IMMT: variants seen among roughly 807,000 people sequenced by gnomAD.
IMMT encodes MICOS complex subunit MIC60.
Under a neutral mutation model 92.7 loss-of-function variants are expected in IMMT, and 40 were observed. The ratio of observed to expected loss-of-function variants is 0.43; its 90% CI spans 0.34 to 0.56. IMMT has a LOEUF of 0.56. IMMT is among the 20% of genes least tolerant of loss of function. The pLI is 0.03. For missense variants in IMMT, 831 were observed against 912.1 expected, an observed-to-expected ratio of 0.91 and a Z score of 1.14; for synonymous variants, 322 against 336.1, an observed-to-expected ratio of 0.96 and a Z score of 0.46.
chr2:86,166,483 A>G, intron 7 of IMMT, 25 bp downstream of exon 7: 1 of 1,584,172 alleles, frequency 6.3e-7, no homozygotes. Flanking sequence ...CAGCCAGAAC[A>G]CTTCTAATCA....
chr2:86,173,645 A>C lies in IMMT; in HGVS notation c.421+5T>G. ...TTTTAAAAAGATGGTTCAAAATATAAGTACCTGTTGCTGAAGCTGGAGTAT... is the reference window on the plus strand; with the variant it reads ...TTTTAAAAAGATGGTTCAAAATATACGTACCTGTTGCTGAAGCTGGAGTAT... On this transcript the variant is annotated splice_donor_5th_base_variant and intron_variant, in intron 4 of 14. Coordinates refer to ENST00000410111, the MANE Select transcript of IMMT (RefSeq NM_006839.3). 6.8e-7 allele frequency: 1 copy of C among 1,468,672 alleles called. No individual in the cohort carries two copies. The highest frequency in any genetic ancestry group is 9.5e-7 in the Non-Finnish European group (1 of 1,051,244). The allele number at this position is 1,468,672 out of a possible 1,614,324, so 91.0% of individuals were successfully genotyped here. A position where few individuals can be genotyped will look rare whatever the true frequency, so the allele number is the denominator to read the frequency against.
intron 1 of IMMT, among the ~76,000 whole-genome samples, chr2:86,193,789 C>T (rs995480812): frequency 3.9e-5 from 6 of 152,132 alleles, no homozygotes; most frequent in Non-Finnish European, 5.9e-5. Flanking sequence ...GAAGCTTAGA[C>T]ATCTTGATTC....
chr2:86,162,947 A>C lies in IMMT; in HGVS notation c.793-868T>G, dbSNP rs146757316. On this transcript the variant is annotated intron_variant, in intron 7 of 14. Coordinates refer to ENST00000410111, the MANE Select transcript of IMMT (RefSeq NM_006839.3). ...AGCAGAGCTGGCTCATATTTAGGGG[A>C]TATATAATATTAGGAAGAAAACCCT... Among the ~76,000 whole-genome samples the C allele has an allele frequency of 3.0e-4, 45 of 152,148 alleles. No individual in the cohort carries two copies. In the East Asian group the frequency reaches 7.5e-3, roughly 25 times the overall value.
rs1185483080 is a variant in IMMT, at chr2:86,144,049, CAG to C, written c.*217_*218del. ...GCCTCATCAGTAAAACCTGAAAAAA[CAG>C]AAAATGTTACACAAGTTGCAAAGAA... On this transcript the variant is annotated 3_prime_UTR_variant, in exon 15 of 15. Transcript: ENST00000410111. 7 of 600,356 alleles carry C rather than the reference CAG, an allele frequency of 1.2e-5. No homozygotes were observed. Among genetic ancestry groups the C allele is most frequent in the African/African-American group, 1.9e-5 (1 of 53,754 alleles). The allele number at this position is 600,356 out of a possible 1,614,324, so 37.2% of individuals were successfully genotyped here.
intron 6 of IMMT, among the ~76,000 whole-genome samples, chr2:86,167,364 G>A (rs1456082889): frequency 7.4e-5 from 11 of 149,118 alleles, no homozygotes; most frequent in East Asian, 2.1e-4. Context: ...TAGTAGAGAC[G>A]GGGTTTCACC....
At chr2:86,161,700 G>C (rs1306904805) in intron 8 of IMMT, among the ~76,000 whole-genome samples, 1 of 151,696 alleles carries the variant, frequency 6.6e-6, no homozygotes. Flanking sequence ...ATTTTTAATA[G>C]AGACGGGGTT....
chr2:86,158,739 G>T lies in IMMT; in HGVS notation c.1033-18C>A, dbSNP rs750215458. On this transcript the variant is annotated intron_variant, in intron 9 of 14. Coordinates refer to ENST00000410111, the MANE Select transcript of IMMT (RefSeq NM_006839.3). ...GCTTGGACCTGAGCAAATACACAGGGTATGTGATTAAATTGAACAAAAAAT... is the reference window on the plus strand; with the variant it reads ...GCTTGGACCTGAGCAAATACACAGGTTATGTGATTAAATTGAACAAAAAAT... 4 of 1,574,324 alleles carry T rather than the reference G, an allele frequency of 2.5e-6. No individual in the cohort carries two copies. The South Asian group carries it at 4.6e-5, about 18-fold the overall frequency.
intron 11 of IMMT, among the ~76,000 whole-genome samples, chr2:86,152,668 C>T (rs1432747783): frequency 6.6e-6 from 1 of 151,328 alleles, no homozygotes; most frequent in Non-Finnish European, 1.5e-5. Context: ...GGCTGAGGCA[C>T]GAGAATTGCC....
chr2:86,191,431 G>A lies in IMMT; in HGVS notation c.45+3907C>T, dbSNP rs531215788. Reference sequence around the variant, plus strand: ...GCTCAAAAACAACAAAAAGCAAGAGGCAATTCTCTAGCAGACTGCCTCCAG... The same window carrying A: ...GCTCAAAAACAACAAAAAGCAAGAGACAATTCTCTAGCAGACTGCCTCCAG... On this transcript the variant is annotated intron_variant, in intron 1 of 14. Coordinates refer to ENST00000410111, the MANE Select transcript of IMMT (RefSeq NM_006839.3). Among the ~76,000 whole-genome samples the A allele has an allele frequency of 2.0e-5, 3 of 152,006 alleles. No individual in the cohort carries two copies. The South Asian group carries it at 6.2e-4, about 31-fold the overall frequency.
In IMMT at chr2:86,144,248, T is replaced by A. The variant is rs1171454527; in HGVS notation, c.*20A>T. ...TTTCCTTTGACATGAAATATGACTT[T>A]ATGAAAATCTTCCTAAACCTCACTC... On this transcript the variant is annotated 3_prime_UTR_variant, in exon 15 of 15. Coordinates refer to ENST00000410111, the MANE Select transcript of IMMT (RefSeq NM_006839.3). 6.2e-7 allele frequency: 1 copy of A among 1,611,064 alleles called. No homozygotes were observed.
intron 3 of IMMT, among the ~76,000 whole-genome samples, chr2:86,176,579 G>C (rs2105333859): frequency 6.6e-6 from 1 of 152,300 alleles, no homozygotes; most frequent in Admixed American, 6.5e-5. Context: ...AAGAATCTAC[G>C]AATTCTGGCC....
chr2:86,167,524 G>A lies in IMMT; in HGVS notation c.656-880C>T, dbSNP rs556105932. Reference sequence around the variant, plus strand: ...TTTGGAGACGGAGTCCCACTCTATCGCCCAGGCTAGAGTGCAGTGGCACCG... The same window carrying A: ...TTTGGAGACGGAGTCCCACTCTATCACCCAGGCTAGAGTGCAGTGGCACCG... On this transcript the variant is annotated intron_variant, in intron 6 of 14. Coordinates refer to ENST00000410111, the MANE Select transcript of IMMT (RefSeq NM_006839.3). 4.1e-5 allele frequency among the ~76,000 whole-genome samples: 5 copies of A among 123,254 alleles called. No homozygotes were observed. In the South Asian group the frequency reaches 1.0e-3, roughly 26 times the overall value. The allele number at this position is 123,254 out of a possible 152,430, so 80.9% of individuals were successfully genotyped here.
chr2:86,154,477 T>G (rs1176428603), intron 10 of IMMT, among the ~76,000 whole-genome samples: 1 of 152,128 alleles, frequency 6.6e-6, no homozygotes, highest in African/African-American at 2.4e-5. Context: ...AGCCTCAACT[T>G]AAGCATTTCA....
intron 8 of IMMT, among the ~76,000 whole-genome samples, chr2:86,161,755 C>G (rs1442613016): frequency 6.6e-6 from 1 of 151,890 alleles, no homozygotes; most frequent in East Asian, 1.9e-4. Flanking sequence ...ACCTCGTGAT[C>G]TGTCCGCCTC....
Position 86,161,765 on chromosome 2 carries a change from C to T in IMMT, c.896+211G>A, listed in dbSNP as rs571978664. ...TCTTGACCTCGTGATCTGTCCGCCT[C>T]GGCCTCCCAAAGTGCTGGGATTACA... is the stretch of plus-strand genomic sequence containing the variant. On this transcript the variant is annotated intron_variant, in intron 8 of 14. Transcript: ENST00000410111. Among the ~76,000 whole-genome samples the T allele has an allele frequency of 7.2e-5, 11 of 151,948 alleles. No individual in the cohort carries two copies. The East Asian group carries it at 1.9e-3, about 27-fold the overall frequency.
At chr2:86,185,549 A>C (rs958672052) in intron 1 of IMMT, among the ~76,000 whole-genome samples, 2 of 152,192 alleles carry the variant, frequency 1.3e-5, no homozygotes, top group African/African-American at 4.8e-5. Flanking sequence ...TGAATCAATA[A>C]GGTTACTCAG....
chr2:86,178,543 T>C (rs539034186), intron 3 of IMMT, among the ~76,000 whole-genome samples: 88 of 150,208 alleles, frequency 5.9e-4, no homozygotes, highest in African/African-American at 2.1e-3. Flanking sequence ...GGAGAATCGC[T>C]TGAACCCAGG....
At chr2:86,181,487 T>G (rs1672432303) in intron 1 of IMMT, 115 bp from the exon 2 acceptor site, 1 of 732,864 alleles carries the variant, frequency 1.4e-6, no homozygotes, top group African/African-American at 1.8e-5. Flanking sequence ...AACAAAAAAT[T>G]ACTTTTTTTC....
chr2:86,167,488 T>G (rs1258166083), intron 6 of IMMT, among the ~76,000 whole-genome samples: 3 of 120,416 alleles, frequency 2.5e-5, no homozygotes, highest in Admixed American at 8.2e-5. Flanking sequence ...TTTTTTGTTT[T>G]TTTTTTTTTT....
Sources: allele counts gnomAD v4.1 joint callset (sites outside exome capture counted in the v4.1 genomes callset), GRCh38; gene constraint gnomAD v4.1.1; transcripts MANE v1.5; gene names NCBI Gene and HGNC (gene_info 2026-07-23, HGNC 2026-07-21).